Variants in RLN1 observed in about 807,000 individuals in gnomAD.
RLN1 encodes the protein prorelaxin H1.
RLN1 carries 4 observed loss-of-function variants against 7.2 expected under a neutral mutation model. The observed-to-expected ratio is 0.56, with a 90% CI of 0.28 to 1.28. The LOEUF (loss-of-function observed/expected upper bound fraction) is 1.28. RLN1 is among the 50% of genes most tolerant of loss of function. RLN1 has a pLI of 0.11. For synonymous variants in RLN1, 105 were observed against 86.0 expected (o/e 1.22, Z -1.22); for missense variants, 293 against 221.1 (o/e 1.32, Z -2.06).
Position 5,335,321 on chromosome 9 carries a change from GGTC to G in RLN1, c.485_487del (p.Arg162del). 1 of 1,611,734 alleles carries G rather than the reference GGTC, an allele frequency of 6.2e-7. No homozygotes were observed. The highest frequency in any genetic ancestry group is 1.1e-5 in the South Asian group (1 of 90,464). Reference sequence around the variant, plus strand: ...ACATTTCTCAAACAGTGCCACGTAGGGTCGTCTCTTTTTTTGAGAATGAGTATC... The same window carrying G: ...ACATTTCTCAAACAGTGCCACGTAGGGTCTCTTTTTTTGAGAATGAGTATC... On this transcript the variant is annotated inframe_deletion, in exon 2 of 2. Transcript: ENST00000223862.
chr9:5,337,509 A>G (rs1259776645), intron 1 of RLN1, among the ~76,000 whole-genome samples: 2 of 152,002 alleles, frequency 1.3e-5, no homozygotes, highest in African/African-American at 4.8e-5. Flanking sequence ...TTTAAAGCGG[A>G]TCTTATTTTT....
intron 1 of RLN1, among the ~76,000 whole-genome samples, chr9:5,338,064 CACTT>C (rs1563756296): frequency 6.8e-6 from 1 of 147,962 alleles, no homozygotes. Flanking sequence ...CATTTCTTTC[CACTT>C]ACTTGTTTAA....
Position 5,335,157 on chromosome 9 carries a change from T to C in RLN1, c.*94A>G, listed in dbSNP as rs1816858728. Reference sequence around the variant, plus strand: ...TAAACATTAATAAAGATTTCTTATATTCTAATAATTAGTGGGACCTGACAG... The same window carrying C: ...TAAACATTAATAAAGATTTCTTATACTCTAATAATTAGTGGGACCTGACAG... On this transcript the variant is annotated 3_prime_UTR_variant, in exon 2 of 2. Coordinates refer to ENST00000223862, the MANE Select transcript of RLN1 (RefSeq NM_006911.4). The C allele has an allele frequency of 3.0e-6, 2 of 670,262 alleles. No homozygotes were observed. The highest frequency in any genetic ancestry group is 2.9e-4 in the Middle Eastern group (1 of 3,426). 41.5% of individuals were successfully genotyped at this position (670,262 alleles called of 1,614,324 possible).
rs758408877 is a variant in RLN1 at position 5,335,299 on chromosome 9, T to C, written c.510A>G (p.Lys170=). 6.2e-7 allele frequency: 1 copy of C among 1,603,494 alleles called. No homozygotes were observed. The highest frequency in any genetic ancestry group is 8.5e-7 in the Non-Finnish European group (1 of 1,177,314). The change falls in exon 2 of 2, where the codon AAA becomes AAG. Residue 170 remains lysine, a synonymous_variant. Coordinates refer to ENST00000223862, the MANE Select transcript of RLN1 (RefSeq NM_006911.4). ...TTTTGGTACAACCAATTAGGCAACA[T>C]TTCTCAAACAGTGCCACGTAGGGTC... ...KRRPYVALFE[K]CCLIGCTKRS...
upstream of RLN1, among the ~76,000 whole-genome samples, chr9:5,340,833 A>G (rs974051455): frequency 6.6e-6 from 1 of 152,216 alleles, no homozygotes; most frequent in African/African-American, 2.4e-5. Context: ...GCTTGTGTTC[A>G]TAATATACTC....
chr9:5,335,947 G>C (rs760243847), intron 1 of RLN1, among the ~76,000 whole-genome samples: 2 of 152,000 alleles, frequency 1.3e-5, no homozygotes, highest in Non-Finnish European at 2.9e-5. Flanking sequence ...ACACATAGTG[G>C]TCATTTTCTT....
rs1257395458 is a variant in RLN1, at chr9:5,335,229, G to C, written c.*22C>G. 10 of 1,454,948 alleles carry C rather than the reference G, an allele frequency of 6.9e-6. No homozygotes were observed. In the Admixed American group the frequency reaches 2.1e-4, roughly 30 times the overall value. The allele number at this position is 1,454,948 out of a possible 1,614,324, so 90.1% of individuals were successfully genotyped here. On this transcript the variant is annotated 3_prime_UTR_variant, in exon 2 of 2. Transcript: ENST00000223862. ...AAGACTATGTGTGAAAATTAGACAA[G>C]ATGTGCACAATTAGCTTCATCTCAG...
At position 5,339,685 on chromosome 9, in the gene RLN1, C is replaced by T; in HGVS notation, c.62G>A (p.Arg21Lys). The T allele has an allele frequency of 6.2e-7, 1 of 1,613,260 alleles. No individual in the cohort carries two copies. Among genetic ancestry groups the T allele is most frequent in the Middle Eastern group, 1.6e-4 (1 of 6,062 alleles). ...EFCLLLNQFS[R>K]AVAAKWKDDV... ...GTCCTTCCATTTGGCCGCGACTGCTCTGGAAAATTGGTTCAGTAGTAAACA... is the reference window on the plus strand; with the variant it reads ...GTCCTTCCATTTGGCCGCGACTGCTTTGGAAAATTGGTTCAGTAGTAAACA... The change falls in exon 1 of 2, where the codon AGA becomes AAA. Residue 21 changes from arginine to lysine, a missense_variant. Transcript: ENST00000223862.
chr9:5,339,967 C>A, upstream of RLN1: 2 of 587,794 alleles, frequency 3.4e-6, no homozygotes, highest in South Asian at 4.1e-5. Flanking sequence ...TCCTTCAGCT[C>A]TTGTTCTGCC....
upstream of RLN1, among the ~76,000 whole-genome samples, chr9:5,340,754 G>A (rs1437208972): frequency 6.6e-6 from 1 of 152,122 alleles, no homozygotes; most frequent in Non-Finnish European, 1.5e-5. Context: ...AGATAATATG[G>A]TTAGTAGACG....
Position 5,335,596 on chromosome 9 carries a change from T to G in RLN1, c.213A>C (p.Glu71Asp). Reference sequence around the variant, plus strand: ...CTTTGTTGATGAAGGATGGTACAATTTCTGTTAAGTTTAAAAAAAAAGTGT... The same window carrying G: ...CTTTGTTGATGAAGGATGGTACAATGTCTGTTAAGTTTAAAAAAAAAGTGT... ...DAPQTPRPVA[E>D]IVPSFINKDT... is the part of the protein sequence containing the mutation. The change falls in exon 2 of 2, where the codon GAA (glutamate) becomes GAC (aspartate). Residue 71 changes from glutamate to aspartate, a missense_variant and splice_region_variant. By Grantham distance (45) the Glu-to-Asp change is conservative. Coordinates refer to ENST00000223862, the MANE Select transcript of RLN1 (RefSeq NM_006911.4). 6.3e-7 allele frequency: 1 copy of G among 1,588,182 alleles called. No homozygotes were observed. The highest frequency in any genetic ancestry group is 8.6e-7 in the Non-Finnish European group (1 of 1,162,784).
Position 5,335,473 on chromosome 9 carries a change from T to C in RLN1, c.336A>G (p.Leu112=). The stretch of plus-strand genomic sequence containing the variant: ...CCTTTAATGCAGGTACATACTGCTG[T>C]AGCTCTGGTAATGATGGTTGCCTCT... ...LSERQPSLPE[L]QQYVPALKDS... Residue 112 remains leucine, a synonymous_variant, in exon 2 of 2, where the codon CTA becomes CTG. Transcript: ENST00000223862. 6.2e-7 allele frequency: 1 copy of C among 1,613,556 alleles called. No individual in the cohort carries two copies. The highest frequency in any genetic ancestry group is 2.2e-5 in the East Asian group (1 of 44,860).
Position 5,336,923 on chromosome 9 carries a change from A to G in RLN1, c.212-1326T>C, listed in dbSNP as rs184876542. 1.9e-4 allele frequency among the ~76,000 whole-genome samples: 29 copies of G among 152,126 alleles called. 1 individual carries two copies. In the East Asian group the frequency reaches 3.5e-3, roughly 18 times the overall value. On this transcript the variant is annotated intron_variant, in intron 1 of 1. Coordinates refer to ENST00000223862, the MANE Select transcript of RLN1 (RefSeq NM_006911.4). ...CTGATCATTTCCTGAGTTTTGTGGCAAAAGAATCAGTTGTTCTCCTTTTAC... is the reference window on the plus strand; with the variant it reads ...CTGATCATTTCCTGAGTTTTGTGGCGAAAGAATCAGTTGTTCTCCTTTTAC...
rs35426888 is a variant in RLN1, at chr9:5,335,590, T to G, written c.219A>C (p.Val73=). Residue 73 remains valine (V), a synonymous_variant, in exon 2 of 2, where the codon GTA becomes GTC. Coordinates refer to ENST00000223862, the MANE Select transcript of RLN1 (RefSeq NM_006911.4). ...PQTPRPVAEI[V]PSFINKDTET... The stretch of plus-strand genomic sequence containing the variant: ...CTGTATCTTTGTTGATGAAGGATGG[T>G]ACAATTTCTGTTAAGTTTAAAAAAA... 8.3e-3 allele frequency: 13,321 copies of G among 1,596,512 alleles called. 155 individuals are homozygous for G. The highest frequency in any genetic ancestry group is 0.025 in the Middle Eastern group (152 of 5,986).
At chr9:5,335,630 G>C (rs780561144) in intron 1 of RLN1, 33 bp from the exon 2 acceptor site, 1 of 1,389,854 alleles carries the variant, frequency 7.2e-7, no homozygotes, top group Non-Finnish European at 1.0e-6. Context: ...GTATGTGAAG[G>C]CGTATTCACG....
At chr9:5,340,607 A>C (rs1816972131), upstream of RLN1, among the ~76,000 whole-genome samples, 1 of 152,202 alleles carries the variant, frequency 6.6e-6, no homozygotes, top group East Asian at 1.9e-4. Flanking sequence ...TCCCAGAAAT[A>C]ATATTTTGAT....
At chr9:5,337,335 C>T (rs1013815254) in intron 1 of RLN1, among the ~76,000 whole-genome samples, 1 of 151,964 alleles carries the variant, frequency 6.6e-6, no homozygotes, top group African/African-American at 2.4e-5. Context: ...GTGTTTTGAA[C>T]TTTTATTAAA....
chr9:5,339,933 C>T (rs73639282), upstream of RLN1: 1,338 of 622,012 alleles, frequency 2.2e-3, 14 homozygotes, highest in African/African-American at 0.022. Flanking sequence ...CCACCCCTTT[C>T]CCACACCCCT....
At chr9:5,339,323 T>C in intron 1 of RLN1, 3 of 449,552 alleles carry the variant, frequency 6.7e-6, no homozygotes, top group Non-Finnish European at 1.1e-5. Context: ...TTTCCCTCCG[T>C]CCGGTGAGAT....
Sources: allele counts gnomAD v4.1 joint callset (sites outside exome capture counted in the v4.1 genomes callset), GRCh38; gene constraint gnomAD v4.1.1; transcripts MANE v1.5; gene names NCBI Gene and HGNC (gene_info 2026-07-23, HGNC 2026-07-21).